ITGAE: variants seen among roughly 807,000 people sequenced by gnomAD.
ITGAE encodes the protein integrin subunit alpha E.
In ITGAE, 99 loss-of-function variants were observed where a neutral mutation model predicts 136.5. The observed-to-expected ratio is 0.73, with a 90% CI of 0.62 to 0.86. The LOEUF (loss-of-function observed/expected upper bound fraction) is 0.86. Ranked by LOEUF, ITGAE falls within the 40% of genes least tolerant of loss-of-function variation. The probability of loss-of-function intolerance (pLI) is 0.00; values close to 1 mark genes in which losing one functional copy is unlikely to be tolerated. For missense variants in ITGAE, 1,447 were observed against 1,515.3 expected (o/e 0.95, Z 0.75); for synonymous variants, 613 against 591.8 (o/e 1.04, Z -0.52).
chr17:3,717,643 G>C (rs1270016727), intron 29 of ITGAE: 1 of 152,172 alleles, frequency 6.6e-6, no homozygotes, highest in Non-Finnish European at 1.5e-5. Flanking sequence ...TAAGCACCAA[G>C]GTCAGGGGTG....
intron 20 of ITGAE, among the ~76,000 whole-genome samples, chr17:3,738,148 A>T (rs117422084): frequency 1.4e-3 from 211 of 152,076 alleles, no homozygotes; most frequent in Non-Finnish European, 2.4e-3. Context: ...GTCGCCAAGG[A>T]CGCTTGTTTG....
chr17:3,772,171 C>A (rs1219914618), intron 2 of ITGAE, among the ~76,000 whole-genome samples: 9 of 152,172 alleles, frequency 5.9e-5, no homozygotes, highest in Admixed American at 5.9e-4. Flanking sequence ...TCCCAGTCAC[C>A]CTGCAAATCC....
chr17:3,724,951 A>G (rs746776381), intron 26 of ITGAE: 12 of 1,613,890 alleles, frequency 7.4e-6, no homozygotes, highest in Non-Finnish European at 1.0e-5. Context: ...TCAAGCCGGA[A>G]GAGCAAACAT....
intron 2 of ITGAE, among the ~76,000 whole-genome samples, chr17:3,769,735 G>A (rs1289662470): frequency 6.6e-6 from 1 of 152,210 alleles, no homozygotes; most frequent in Non-Finnish European, 1.5e-5. Context: ...CCAGGCTGGA[G>A]TGCAGTGGCG....
chr17:3,735,245 G>A (rs749217064), intron 20 of ITGAE, among the ~76,000 whole-genome samples: 6 of 152,190 alleles, frequency 3.9e-5, no homozygotes, highest in Non-Finnish European at 8.8e-5. Flanking sequence ...TCGGCTCACT[G>A]CAACCTCCAC....
chr17:3,762,025 G>A (rs2052185128), intron 3 of ITGAE, 43 bp from the exon 4 acceptor site: 3 of 1,559,982 alleles, frequency 1.9e-6, no homozygotes, highest in East Asian at 2.2e-5. Context: ...GGGGACTCTG[G>A]GAGGCAGAGA....
intron 20 of ITGAE, among the ~76,000 whole-genome samples, chr17:3,738,264 G>A (rs1421261006): frequency 7.2e-6 from 1 of 139,450 alleles, no homozygotes; most frequent in Non-Finnish European, 1.5e-5. Context: ...TCCGCCTCCC[G>A]AGTTTGAGCG....
intron 19 of ITGAE, 75 bp from the exon 20 acceptor site, chr17:3,739,953 T>G: frequency 2.4e-6 from 3 of 1,247,868 alleles, no homozygotes; most frequent in Non-Finnish European, 3.5e-6. Flanking sequence ...CTCTTCTCCT[T>G]ATAGGAAGTT....
At position 3,747,286 on chromosome 17, in the gene ITGAE, C is replaced by T. The variant is rs142708443; in HGVS notation, c.2155+636G>A. Among the ~76,000 whole-genome samples the T allele has an allele frequency of 4.3e-3, 652 of 151,504 alleles. 6 individuals carry two copies. Among genetic ancestry groups the T allele is most frequent in the African/African-American group, 0.015 (617 of 41,330 alleles). On this transcript the variant is annotated intron_variant, in intron 17 of 30. Coordinates refer to ENST00000263087, the MANE Select transcript of ITGAE (RefSeq NM_002208.5). ...AGAAGCCCCCGCACACACGCACACA[C>T]GTGGGCATGGAGAAATGGCTGCCTT...
intron 24 of ITGAE, among the ~76,000 whole-genome samples, chr17:3,728,897 C>G (rs1266893974): frequency 6.6e-6 from 1 of 151,756 alleles, no homozygotes; most frequent in African/African-American, 2.4e-5. Context: ...TTAGCTGGGC[C>G]TGGTGGTGTC....
chr17:3,730,986 C>G, intron 23 of ITGAE, 118 bp downstream of exon 23: 1 of 718,538 alleles, frequency 1.4e-6, no homozygotes, highest in Non-Finnish European at 2.4e-6. Flanking sequence ...TGTGGGCTCA[C>G]TGGGGTTTCC....
chr17:3,742,456 GT>G (rs568033494), intron 19 of ITGAE, among the ~76,000 whole-genome samples: 56 of 134,156 alleles, frequency 4.2e-4, no homozygotes, highest in South Asian at 9.4e-4. Flanking sequence ...AAGGTTTGTG[GT>G]TTTTTTTTTT....
At chr17:3,757,556 G>T in intron 9 of ITGAE, 150 bp downstream of exon 9, 1 of 895,414 alleles carries the variant, frequency 1.1e-6, no homozygotes. Context: ...CCCTCTCTGG[G>T]ATGACAGAGC....
chr17:3,784,342 T>G, intron 1 of ITGAE: 1 of 342,874 alleles, frequency 2.9e-6, no homozygotes, highest in Middle Eastern at 3.8e-4. Flanking sequence ...AACAACATAA[T>G]TAGCAAAGTT....
At position 3,719,267 on chromosome 17, in the gene ITGAE, G is replaced by A. The variant is rs201895271; in HGVS notation, c.3333+1040C>T. Reference sequence around the variant, plus strand: ...AAAAAAAAAAAAAAAGAAAAGAAAAGAAAAAGAAATACACTACTTAAAAAT... The same window carrying A: ...AAAAAAAAAAAAAAAGAAAAGAAAAAAAAAAGAAATACACTACTTAAAAAT... On this transcript the variant is annotated intron_variant, in intron 29 of 30. Transcript: ENST00000263087. Among the ~76,000 whole-genome samples the A allele has an allele frequency of 4.2e-3, 556 of 131,088 alleles. 2 individuals are homozygous for A. Among genetic ancestry groups the A allele is most frequent in the East Asian group, 0.032 (163 of 5,038 alleles). 86.0% of individuals were successfully genotyped at this position (131,088 alleles called of 152,430 possible). A position where few individuals can be genotyped will look rare whatever the true frequency, so the allele number is the denominator to read the frequency against.
At chr17:3,757,470 A>G (rs1393490635) in intron 9 of ITGAE, among the ~76,000 whole-genome samples, 1 of 151,912 alleles carries the variant, frequency 6.6e-6, no homozygotes, top group Non-Finnish European at 1.5e-5. Context: ...TCCTCCAGGA[A>G]CCCTCCTTGG....
chr17:3,735,262 G>C (rs2051436400), intron 20 of ITGAE, among the ~76,000 whole-genome samples: 1 of 152,186 alleles, frequency 6.6e-6, no homozygotes, highest in African/African-American at 2.4e-5. Context: ...CCACCTCCCA[G>C]GTTCAAGCAA....
Position 3,747,214 on chromosome 17 carries a change from G to A in ITGAE, c.2155+708C>T, listed in dbSNP as rs141714972. ...TGGGCCGGAGGCACATAGTGAGGAG[G>A]GAAGGGGAGAAGACACAAGTCAGAG... On this transcript the variant is annotated intron_variant, in intron 17 of 30. Coordinates refer to ENST00000263087, the MANE Select transcript of ITGAE (RefSeq NM_002208.5). 5.2e-3 allele frequency among the ~76,000 whole-genome samples: 788 copies of A among 152,366 alleles called. 24 individuals carry two copies. The highest frequency in any genetic ancestry group is 0.044 in the Admixed American group (666 of 15,304).
chr17:3,793,377 C>T (rs903230590), intron 1 of ITGAE, among the ~76,000 whole-genome samples: 3 of 151,624 alleles, frequency 2.0e-5, no homozygotes, highest in Non-Finnish European at 4.4e-5. Context: ...GAGTTGGAGT[C>T]TCACTCTGTC....
Sources: allele counts gnomAD v4.1 joint callset (sites outside exome capture counted in the v4.1 genomes callset), GRCh38; gene constraint gnomAD v4.1.1; transcripts MANE v1.5; gene names NCBI Gene and HGNC (gene_info 2026-07-23, HGNC 2026-07-21).